The following HILPDA variants were observed in gnomAD, a reference collection of about 807,000 sequenced individuals.
The protein encoded by HILPDA is hypoxia inducible lipid droplet associated.
For missense variants in HILPDA, 72 were observed against 73.5 expected (o/e 0.98, Z 0.08); for synonymous variants, 37 against 33.2 (o/e 1.12, Z -0.40).
Position 128,457,080 on chromosome 7 carries a change from T to TC in HILPDA, c.-68-118dup, listed in dbSNP as rs146039089. The TC allele has an allele frequency of 2.1e-3, 1,030 of 489,424 alleles. 16 individuals carry two copies. In the East Asian group the frequency reaches 0.028, roughly 13 times the overall value. 30.3% of individuals were successfully genotyped at this position (489,424 alleles called of 1,614,324 possible). On this transcript the variant is annotated intron_variant, in intron 1 of 1. Transcript: ENST00000257696. ...GGAGAGTTGCTGTGCAACTCCCTGG[T>TC]CCCTGTGTCCCTCACTGGCTAAGCC...
rs747185949 is a variant in HILPDA at position 128,455,895 on chromosome 7, G to A, written c.-197G>A. On this transcript the variant is annotated 5_prime_UTR_variant, in exon 1 of 2. Transcript: ENST00000257696. ...GTTGCTCTGCGCTCTGCGGCTGACG[G>A]CGCTTTTGTCTCCGGTGAGTTTTGT... The A allele has an allele frequency of 1.5e-5, 7 of 456,652 alleles. No individual in the cohort carries two copies. Among genetic ancestry groups the A allele is most frequent in the South Asian group, 1.1e-4 (7 of 64,578 alleles). The allele number at this position is 456,652 out of a possible 1,614,324, so 28.3% of individuals were successfully genotyped here.
intron 1 of HILPDA, 34 bp from the exon 2 acceptor site, chr7:128,457,167 G>T: frequency 2.0e-6 from 2 of 982,032 alleles, no homozygotes; most frequent in Middle Eastern, 3.3e-4. Flanking sequence ...ATCCCCAAAA[G>T]GCTATAGATT....
In HILPDA at chr7:128,457,398, A is replaced by G. The variant is rs1584779090; in HGVS notation, c.130A>G (p.Ser44Gly). The G allele has an allele frequency of 6.2e-7, 1 of 1,614,190 alleles. No homozygotes were observed. Reference protein sequence around the residue: ...PSPGTSWTTRSQLANTEPTKG... With the variant: ...PSPGTSWTTRGQLANTEPTKG... ...GCCTGGGACCTCCTGGACCACCAGAAGCCAACTAGCCAACACAGAGCCCAC... is the reference window on the plus strand; with the variant it reads ...GCCTGGGACCTCCTGGACCACCAGAGGCCAACTAGCCAACACAGAGCCCAC... Residue 44 changes from serine (S) to glycine (G), a missense_variant, in exon 2 of 2, where the codon AGC (serine) becomes GGC (glycine). Transcript: ENST00000257696.
At position 128,457,826 on chromosome 7, in the gene HILPDA, T is replaced by C; in HGVS notation, c.*366T>C. 1 of 238,196 alleles carries C rather than the reference T, an allele frequency of 4.2e-6. No individual in the cohort carries two copies. The highest frequency in any genetic ancestry group is 9.0e-6 in the Non-Finnish European group (1 of 111,598). The allele number at this position is 238,196 out of a possible 1,614,324, so 14.8% of individuals were successfully genotyped here. On this transcript the variant is annotated 3_prime_UTR_variant, in exon 2 of 2. Transcript: ENST00000257696. Reference sequence around the variant, plus strand: ...CCTTGGGAGGCTGAGGCGGGAGAATTGCTTGAACCCGGGGACGGAGGTTGC... The same window carrying C: ...CCTTGGGAGGCTGAGGCGGGAGAATCGCTTGAACCCGGGGACGGAGGTTGC...
rs1584779452 is a variant in HILPDA, at chr7:128,457,865, C to T, written c.*405C>T. The T allele has an allele frequency of 4.4e-6, 1 of 229,662 alleles. No homozygotes were observed. The highest frequency in any genetic ancestry group is 1.0e-4 in the East Asian group (1 of 9,632). The allele number at this position is 229,662 out of a possible 1,614,324, so 14.2% of individuals were successfully genotyped here. ...GACGGAGGTTGCAGTGAGCCGAGAT[C>T]GCACTGCTGTACCCAGCCTGGGCCA... On this transcript the variant is annotated 3_prime_UTR_variant, in exon 2 of 2. Transcript: ENST00000257696.
At chr7:128,456,052 C>T (rs1474698970) in intron 1 of HILPDA, 29 bp downstream of exon 1, 1 of 451,518 alleles carries the variant, frequency 2.2e-6, no homozygotes. Context: ...TTCCCCGGCT[C>T]CCCACCCCCA....
Position 128,457,198 on chromosome 7 carries a change from C to T in HILPDA, c.-68-3C>T, listed in dbSNP as rs1214957296. On this transcript the variant is annotated splice_region_variant and splice_polypyrimidine_tract_variant and intron_variant, in intron 1 of 1. Transcript: ENST00000257696. ...AGATTCATCCTTTCCTCTTTTTTCT[C>T]AGGGTCCAGAGGCCTTTCAGAAGGA... 7.7e-7 allele frequency: 1 copy of T among 1,306,414 alleles called. No homozygotes were observed. The highest frequency in any genetic ancestry group is 2.2e-5 in the Admixed American group (1 of 46,010). The allele number at this position is 1,306,414 out of a possible 1,614,324, so 80.9% of individuals were successfully genotyped here.
At position 128,455,926 on chromosome 7, in the gene HILPDA, G is replaced by C. The variant is rs766871424; in HGVS notation, c.-166G>C. The C allele has an allele frequency of 4.4e-6, 2 of 456,606 alleles. No individual in the cohort carries two copies. The highest frequency in any genetic ancestry group is 4.0e-5 in the African/African-American group (2 of 50,082). The allele number at this position is 456,606 out of a possible 1,614,324, so 28.3% of individuals were successfully genotyped here. On this transcript the variant is annotated 5_prime_UTR_variant, in exon 1 of 2. Transcript: ENST00000257696. Reference sequence around the variant, plus strand: ...TTGTCTCCGGTGAGTTTTGTGGCGGGAAGCTTCTGCGCTGGTGCTTAGTAA... The same window carrying C: ...TTGTCTCCGGTGAGTTTTGTGGCGGCAAGCTTCTGCGCTGGTGCTTAGTAA...
At position 128,457,764 on chromosome 7, in the gene HILPDA, T is replaced by TAAATACAAA; in HGVS notation, c.*305_*306insAATACAAAA. 1 of 266,496 alleles carries TAAATACAAA rather than the reference T, an allele frequency of 3.8e-6. No individual in the cohort carries two copies. Among genetic ancestry groups the TAAATACAAA allele is most frequent in the Non-Finnish European group, 7.6e-6 (1 of 131,124 alleles). The allele number at this position is 266,496 out of a possible 1,614,324, so 16.5% of individuals were successfully genotyped here. On this transcript the variant is annotated 3_prime_UTR_variant, in exon 2 of 2. Transcript: ENST00000257696. ...CCATCTCTACTAAAAATACAAAAGTTAGCTGGGTGTGGTGGCAGAGGCCTG... is the reference window on the plus strand; with the variant it reads ...CCATCTCTACTAAAAATACAAAAGTTAAATACAAAAGCTGGGTGTGGTGGCAGAGGCCTG...
At position 128,458,250 on chromosome 7, in the gene HILPDA, G is replaced by A. The variant is rs1490697986; in HGVS notation, c.*790G>A. ...GGGCTGTTGGGAGTGAGGATGGAGT[G>A]TTCAGTGCCCATTTCTCATTTTACA... On this transcript the variant is annotated 3_prime_UTR_variant, in exon 2 of 2. Transcript: ENST00000257696. The A allele has an allele frequency of 6.0e-6, 1 of 167,068 alleles. No individual in the cohort carries two copies. Among genetic ancestry groups the A allele is most frequent in the Non-Finnish European group, 1.5e-5 (1 of 68,148 alleles). The allele number at this position is 167,068 out of a possible 1,614,324, so 10.3% of individuals were successfully genotyped here. A position where few individuals can be genotyped will look rare whatever the true frequency, so the allele number is the denominator to read the frequency against.
In HILPDA at chr7:128,458,363, C is replaced by A. The variant is rs1465515545; in HGVS notation, c.*903C>A. On this transcript the variant is annotated 3_prime_UTR_variant, in exon 2 of 2. Transcript: ENST00000257696. Reference sequence around the variant, plus strand: ...CCTGCTCAAGTTATGGACATTGTGGCCACCATGTGGCTTAAATGATTTTTT... The same window carrying A: ...CCTGCTCAAGTTATGGACATTGTGGACACCATGTGGCTTAAATGATTTTTT... 6.0e-6 allele frequency: 1 copy of A among 167,006 alleles called. No individual in the cohort carries two copies. Among genetic ancestry groups the A allele is most frequent in the Non-Finnish European group, 1.5e-5 (1 of 68,118 alleles). The allele number at this position is 167,006 out of a possible 1,614,324, so 10.3% of individuals were successfully genotyped here.
chr7:128,455,921 G>T lies in HILPDA; in HGVS notation c.-171G>T. ...CGCTTTTGTCTCCGGTGAGTTTTGTGGCGGGAAGCTTCTGCGCTGGTGCTT... is the reference window on the plus strand; with the variant it reads ...CGCTTTTGTCTCCGGTGAGTTTTGTTGCGGGAAGCTTCTGCGCTGGTGCTT... On this transcript the variant is annotated 5_prime_UTR_variant, in exon 1 of 2. Transcript: ENST00000257696. The T allele has an allele frequency of 2.2e-6, 1 of 456,736 alleles. No homozygotes were observed. Among genetic ancestry groups the T allele is most frequent in the Non-Finnish European group, 4.4e-6 (1 of 226,968 alleles). 28.3% of individuals were successfully genotyped at this position (456,736 alleles called of 1,614,324 possible). A position where few individuals can be genotyped will look rare whatever the true frequency, so the allele number is the denominator to read the frequency against.
Position 128,457,485 on chromosome 7 carries a change from T to G in HILPDA, c.*25T>G. ...ATAAGACCTCCTTCCATACTGGCCA[T>G]ATTTTGGAACACTGACCTAGACATG... On this transcript the variant is annotated 3_prime_UTR_variant, in exon 2 of 2. Transcript: ENST00000257696. 2 of 1,605,760 alleles carry G rather than the reference T, an allele frequency of 1.2e-6. No homozygotes were observed. The highest frequency in any genetic ancestry group is 1.7e-6 in the Non-Finnish European group (2 of 1,172,858).
rs114282780 is a variant in HILPDA, at chr7:128,457,280, G to C, written c.12G>C (p.Val4=). 1 of 1,612,064 alleles carries C rather than the reference G, an allele frequency of 6.2e-7. No individual in the cohort carries two copies. The highest frequency in any genetic ancestry group is 8.5e-7 in the Non-Finnish European group (1 of 1,178,348). MKH[V]LNLYLLGVVL... is the part of the protein sequence containing the mutation. ...GGGTCCTTTCAGCCATGAAGCATGTGTTGAACCTCTACCTGTTAGGTGTGG... is the reference window on the plus strand; with the variant it reads ...GGGTCCTTTCAGCCATGAAGCATGTCTTGAACCTCTACCTGTTAGGTGTGG... The change falls in exon 2 of 2, where the codon GTG becomes GTC. Residue 4 remains valine, a synonymous_variant. Transcript: ENST00000257696.
chr7:128,456,078 C>T, intron 1 of HILPDA, 55 bp downstream of exon 1: 1 of 424,930 alleles, frequency 2.4e-6, no homozygotes, highest in South Asian at 1.6e-5. Flanking sequence ...AGAGTGCTCG[C>T]CGCGCTAGCA....
rs376407643 is a variant in HILPDA, at chr7:128,457,728, A to G, written c.*268A>G. 264 of 313,624 alleles carry G rather than the reference A, an allele frequency of 8.4e-4. 2 individuals carry two copies. The Middle Eastern group carries it at 0.013, about 16-fold the overall frequency. The allele number at this position is 313,624 out of a possible 1,614,324, so 19.4% of individuals were successfully genotyped here. On this transcript the variant is annotated 3_prime_UTR_variant, in exon 2 of 2. Transcript: ENST00000257696. ...GGAGTTCGAGACCAGCCTCGCCAAC[A>G]TGGCGAAACCCCATCTCTACTAAAA...
Position 128,457,364 on chromosome 7 carries a change from G to C in HILPDA, c.96G>C (p.Glu32Asp), listed in dbSNP as rs1799557456. The change falls in exon 2 of 2, where the codon GAG becomes GAC. Residue 32 changes from glutamate to aspartate, a missense_variant. By Grantham distance (45) the Glu-to-Asp change is conservative (BLOSUM62 2). Coordinates refer to ENST00000257696, the MANE Select transcript of HILPDA (RefSeq NM_013332.4). ...RVMESLEGLL[E>D]SPSPGTSWTT... ...TGGAGTCCCTAGAGGGCTTACTAGA[G>C]AGCCCATCGCCTGGGACCTCCTGGA... 6.2e-7 allele frequency: 1 copy of C among 1,613,994 alleles called. No individual in the cohort carries two copies. Among genetic ancestry groups the C allele is most frequent in the Non-Finnish European group, 8.5e-7 (1 of 1,179,892 alleles).
Position 128,458,394 on chromosome 7 carries a change from T to A in HILPDA, c.*934T>A, listed in dbSNP as rs537229673. ...TGTGGCTTAAATGATTTTTTCTAAC[T>A]AATAAAGTGGAATATATATTTCTAC... On this transcript the variant is annotated 3_prime_UTR_variant, in exon 2 of 2. Transcript: ENST00000257696. 1.1e-4 allele frequency: 19 copies of A among 167,256 alleles called. No homozygotes were observed. Among genetic ancestry groups the A allele is most frequent in the African/African-American group, 4.6e-4 (19 of 41,586 alleles). The allele number at this position is 167,256 out of a possible 1,614,324, so 10.4% of individuals were successfully genotyped here.
Position 128,457,836 on chromosome 7 carries a change from C to T in HILPDA, c.*376C>T, listed in dbSNP as rs934057668. 1.2e-4 allele frequency: 27 copies of T among 231,340 alleles called. No individual in the cohort carries two copies. Among genetic ancestry groups the T allele is most frequent in the African/African-American group, 4.9e-4 (22 of 44,650 alleles). The allele number at this position is 231,340 out of a possible 1,614,324, so 14.3% of individuals were successfully genotyped here. On this transcript the variant is annotated 3_prime_UTR_variant, in exon 2 of 2. Transcript: ENST00000257696. ...CTGAGGCGGGAGAATTGCTTGAACC[C>T]GGGGACGGAGGTTGCAGTGAGCCGA... is the stretch of plus-strand genomic sequence containing the variant.
Sources: gnomAD v4.1 joint callset for allele counts on GRCh38, gnomAD v4.1.1 for gene constraint, MANE v1.5 for transcripts, NCBI Gene and HGNC (gene_info 2026-07-23, HGNC 2026-07-21) for gene names.